CDC73: variants seen among roughly 807,000 people sequenced by gnomAD.
CDC73 encodes cell division cycle 73, also known as parafibromin.
In CDC73, 21 loss-of-function variants were observed where a neutral mutation model predicts 83.7. The ratio of observed to expected loss-of-function variants is 0.25; its 90% CI spans 0.18 to 0.36. The LOEUF (loss-of-function observed/expected upper bound fraction) is 0.36. Ranked by LOEUF, CDC73 falls within the 10% of genes least tolerant of loss-of-function variation. The probability of loss-of-function intolerance (pLI) is 1.00; values close to 1 mark genes in which losing one functional copy is unlikely to be tolerated. For synonymous variants in CDC73, 224 were observed against 212.9 expected (o/e 1.05, Z -0.45); for missense variants, 342 against 653.3 (o/e 0.52, Z 5.19).
At chr1:193,196,871 T>TA (rs1677011902) in intron 10 of CDC73, among the ~76,000 whole-genome samples, 1 of 152,238 alleles carries the variant, frequency 6.6e-6, no homozygotes, top group Non-Finnish European at 1.5e-5. Flanking sequence ...TTATTTAACA[T>TA]ACAAATCTTG....
chr1:193,205,316 C>T (rs1282594034), intron 11 of CDC73, among the ~76,000 whole-genome samples: 1 of 148,528 alleles, frequency 6.7e-6, no homozygotes, highest in African/African-American at 2.5e-5. Flanking sequence ...ATGAATTTCA[C>T]AGTATCAATA....
At chr1:193,236,448 G>C in intron 15 of CDC73, 92 bp downstream of exon 15, 2 of 842,806 alleles carry the variant, frequency 2.4e-6, no homozygotes, top group South Asian at 1.4e-5. Flanking sequence ...CATATGATGT[G>C]TATGTCAAAA....
At chr1:193,234,111 C>G (rs891242310) in intron 14 of CDC73, among the ~76,000 whole-genome samples, 3 of 145,952 alleles carry the variant, frequency 2.1e-5, no homozygotes, top group African/African-American at 7.6e-5. Flanking sequence ...GAGTAGTAGA[C>G]CAGCCCCTTA....
At chr1:193,198,353 G>T (rs1393054470) in intron 10 of CDC73, among the ~76,000 whole-genome samples, 1 of 152,212 alleles carries the variant, frequency 6.6e-6, no homozygotes, top group African/African-American at 2.4e-5. Flanking sequence ...TGAGGGCATG[G>T]TCTTTACAAA....
intron 10 of CDC73, among the ~76,000 whole-genome samples, chr1:193,194,514 C>G (rs1236245125): frequency 6.6e-6 from 1 of 152,176 alleles, no homozygotes; most frequent in Non-Finnish European, 1.5e-5. Context: ...CCATGTTTCT[C>G]TGCCACTATA....
At chr1:193,139,107 T>TA (rs1445581971) in intron 6 of CDC73, among the ~76,000 whole-genome samples, 3 of 152,142 alleles carry the variant, frequency 2.0e-5, no homozygotes, top group African/African-American at 7.2e-5. Context: ...ACAGTTCACT[T>TA]ACATTCTTCT....
In CDC73 at chr1:193,233,078, C is replaced by T. The variant is rs1297552782; in HGVS notation, c.1240C>T (p.Pro414Ser). Reference protein sequence around the residue: ...LIQRRKDQMQPGGTAISVTVP... With the variant: ...LIQRRKDQMQSGGTAISVTVP... ...ACAAAGAAGAAAAGACCAGATGCAACCAGGGGGCACTGCAATTAGTGTTAC... is the reference window on the plus strand; with the variant it reads ...ACAAAGAAGAAAAGACCAGATGCAATCAGGGGGCACTGCAATTAGTGTTAC... Residue 414 changes from proline (P) to serine (S), a missense_variant, in exon 14 of 17, where the codon CCA becomes TCA. Pro to Ser is a moderately conservative substitution (Grantham distance 74). This residue lies in a region of CDC73 where 239 missense variants were observed against 420.6 expected (regional missense o/e 0.57). Coordinates refer to ENST00000367435, the MANE Select transcript of CDC73 (RefSeq NM_024529.5). 1 of 1,613,146 alleles carries T rather than the reference C, an allele frequency of 6.2e-7. No individual in the cohort carries two copies. Among genetic ancestry groups the T allele is most frequent in the Non-Finnish European group, 8.5e-7 (1 of 1,179,188 alleles).
chr1:193,249,973 C>T, intron 16 of CDC73, 102 bp downstream of exon 16: 1 of 1,071,856 alleles, frequency 9.3e-7, no homozygotes, highest in Non-Finnish European at 1.4e-6. Context: ...TTCCCTAATT[C>T]CCTTCTTTCA....
intron 10 of CDC73, chr1:193,180,652 G>C: frequency 6.2e-7 from 1 of 1,614,104 alleles, no homozygotes. Context: ...ACGCTCACTT[G>C]GGTAGAGGTC....
At chr1:193,188,170 A>G (rs960582026) in intron 10 of CDC73, among the ~76,000 whole-genome samples, 1 of 152,322 alleles carries the variant, frequency 6.6e-6, no homozygotes, top group East Asian at 1.9e-4. Context: ...ATTGCGTGCT[A>G]AGCTTACTTG....
intron 11 of CDC73, 141 bp from the exon 12 acceptor site, chr1:193,211,924 A>T (rs750681586): frequency 1.0e-4 from 67 of 661,068 alleles, no homozygotes; most frequent in Non-Finnish European, 1.8e-4. Context: ...TGTTGAGAAG[A>T]TAGTTGTAAA....
intron 10 of CDC73, among the ~76,000 whole-genome samples, chr1:193,198,022 T>G (rs1013259786): frequency 6.6e-5 from 10 of 152,138 alleles, no homozygotes; most frequent in Non-Finnish European, 1.0e-4. Context: ...CCATATTCAT[T>G]TAATAGATAA....
chr1:193,152,843 G>T (rs1264777920), intron 10 of CDC73, among the ~76,000 whole-genome samples: 1 of 151,950 alleles, frequency 6.6e-6, no homozygotes, highest in Non-Finnish European at 1.5e-5. Flanking sequence ...GCAGTGGTGC[G>T]ATCTCGGCTC....
At chr1:193,217,768 C>T (rs952202777) in intron 13 of CDC73, among the ~76,000 whole-genome samples, 5 of 152,050 alleles carry the variant, frequency 3.3e-5, no homozygotes, top group East Asian at 1.9e-4. Flanking sequence ...CCTGTCCTCA[C>T]GTAGGTTCAT....
intron 2 of CDC73, 130 bp downstream of exon 2, chr1:193,125,347 C>T (rs1306497577): frequency 1.4e-6 from 1 of 690,402 alleles, no homozygotes; most frequent in South Asian, 1.5e-5. Context: ...CAGCCTCGAA[C>T]TCCTAGGCTC....
chr1:193,136,256 TG>T (rs1675798435), intron 5 of CDC73, among the ~76,000 whole-genome samples: 1 of 152,180 alleles, frequency 6.6e-6, no homozygotes, highest in Non-Finnish European at 1.5e-5. Flanking sequence ...AGAAAACAGA[TG>T]GCGGGCCAGA....
chr1:193,139,361 G>T (rs1017367943), intron 6 of CDC73, among the ~76,000 whole-genome samples: 1 of 150,938 alleles, frequency 6.6e-6, no homozygotes, highest in African/African-American at 2.4e-5. Context: ...CTGCCTCCCG[G>T]GTTCAAGTGA....
chr1:193,145,624 T>G (rs905711366), intron 7 of CDC73, among the ~76,000 whole-genome samples: 7 of 152,174 alleles, frequency 4.6e-5, no homozygotes, highest in Non-Finnish European at 4.4e-5. Context: ...TTTTTTCAAT[T>G]TTAATCTTTA....
intron 10 of CDC73, among the ~76,000 whole-genome samples, chr1:193,156,731 A>G (rs1351763082): frequency 6.6e-6 from 1 of 152,072 alleles, no homozygotes; most frequent in Non-Finnish European, 1.5e-5. Flanking sequence ...AGTAGCAGTA[A>G]TGTTCTGGAG....
Sources: allele counts gnomAD v4.1 joint callset (sites outside exome capture counted in the v4.1 genomes callset), GRCh38; gene constraint gnomAD v4.1.1; regional missense constraint gnomAD v4.1.1; transcripts MANE v1.5; gene names NCBI Gene and HGNC (gene_info 2026-07-23, HGNC 2026-07-21).